GRXCR1: variants seen among roughly 807,000 people sequenced by gnomAD.
GRXCR1 encodes the protein glutaredoxin and cysteine rich domain containing 1, also known as glutaredoxin domain-containing cysteine-rich protein 1.
A neutral mutation model predicts 27.3 loss-of-function variants in GRXCR1; 27 were observed. The observed-to-expected ratio is 0.99, with a 90% CI of 0.73 to 1.37. The LOEUF is 1.37. Among genes scored for constraint, GRXCR1 ranks in the 40% most tolerant of loss-of-function variants. GRXCR1 has a pLI of 0.00. For missense variants in GRXCR1, 379 were observed against 354.4 expected (o/e 1.07, Z -0.56); for synonymous variants, 122 against 131.1 (o/e 0.93, Z 0.47).
Position 42,962,872 on chromosome 4 carries a change from A to T in GRXCR1, c.385-20A>T. The T allele has an allele frequency of 1.2e-6, 2 of 1,611,874 alleles. No individual in the cohort carries two copies. Among genetic ancestry groups the T allele is most frequent in the Admixed American group, 1.7e-5 (1 of 59,886 alleles). On this transcript the variant is annotated intron_variant, in intron 1 of 3. Coordinates refer to ENST00000399770, the MANE Select transcript of GRXCR1 (RefSeq NM_001080476.3). ...GAAAGTAAAAGCAAACATTCTTACAACTCAATGTTTTCCCTTCAGCAACCA... is the reference window on the plus strand; with the variant it reads ...GAAAGTAAAAGCAAACATTCTTACATCTCAATGTTTTCCCTTCAGCAACCA...
intron 2 of GRXCR1, among the ~76,000 whole-genome samples, chr4:42,998,105 A>G (rs1250911759): frequency 6.6e-6 from 1 of 152,198 alleles, no homozygotes; most frequent in Non-Finnish European, 1.5e-5. Flanking sequence ...TTCCAAATAA[A>G]GGGACTGAGG....
chr4:43,017,174 T>C (rs1478457723), intron 2 of GRXCR1, among the ~76,000 whole-genome samples: 1 of 152,244 alleles, frequency 6.6e-6, no homozygotes, highest in Non-Finnish European at 1.5e-5. Flanking sequence ...ATGTTCATTC[T>C]GGGCGTGGAG....
Position 42,893,165 on chromosome 4 carries a change from C to T in GRXCR1, c.-102C>T. The T allele has an allele frequency of 8.1e-7, 1 of 1,239,630 alleles. No homozygotes were observed. Among genetic ancestry groups the T allele is most frequent in the Non-Finnish European group, 1.2e-6 (1 of 841,592 alleles). The allele number at this position is 1,239,630 out of a possible 1,614,324, so 76.8% of individuals were successfully genotyped here. On this transcript the variant is annotated 5_prime_UTR_variant, in exon 1 of 4. Coordinates refer to ENST00000399770, the MANE Select transcript of GRXCR1 (RefSeq NM_001080476.3). ...TGATGTTAGTTTCACAGGAGTGCTGCCATCACTAGAATTGGCTCTGATATT... is the reference window on the plus strand; with the variant it reads ...TGATGTTAGTTTCACAGGAGTGCTGTCATCACTAGAATTGGCTCTGATATT...
intron 2 of GRXCR1, among the ~76,000 whole-genome samples, chr4:42,964,633 A>G (rs1748198225): frequency 6.6e-6 from 1 of 152,046 alleles, no homozygotes; most frequent in Non-Finnish European, 1.5e-5. Context: ...TGGCAAGGCC[A>G]GCAATCAAAG....
intron 2 of GRXCR1, among the ~76,000 whole-genome samples, chr4:43,006,702 G>A (rs902585897): frequency 7.9e-5 from 12 of 152,100 alleles, no homozygotes; most frequent in African/African-American, 2.2e-4. Context: ...CTGTGATCTC[G>A]CCCTGCCTCC....
intron 1 of GRXCR1, among the ~76,000 whole-genome samples, chr4:42,957,443 T>C (rs1481387549): frequency 1.3e-5 from 2 of 152,062 alleles, no homozygotes; most frequent in Non-Finnish European, 2.9e-5. Flanking sequence ...TGTTATTTTG[T>C]ACTCTAATAT....
intron 1 of GRXCR1, among the ~76,000 whole-genome samples, chr4:42,915,643 G>T (rs1044723665): frequency 6.6e-6 from 1 of 151,954 alleles, no homozygotes; most frequent in Admixed American, 6.6e-5. Flanking sequence ...ATCTTGACAC[G>T]TCTCATATAA....
chr4:42,904,927 T>C (rs1006985466), intron 1 of GRXCR1, among the ~76,000 whole-genome samples: 1 of 152,174 alleles, frequency 6.6e-6, no homozygotes, highest in East Asian at 1.9e-4. Flanking sequence ...ATAAATTTTA[T>C]AGAGATTCTG....
intron 1 of GRXCR1, among the ~76,000 whole-genome samples, chr4:42,914,618 G>A (rs1486329456): frequency 6.6e-6 from 1 of 152,108 alleles, no homozygotes; most frequent in African/African-American, 2.4e-5. Flanking sequence ...TAAGACTTTA[G>A]GGGACTGTTG....
At chr4:43,029,143 G>T (rs569066096) in intron 3 of GRXCR1, among the ~76,000 whole-genome samples, 2 of 152,090 alleles carry the variant, frequency 1.3e-5, no homozygotes, top group Non-Finnish European at 2.9e-5. Flanking sequence ...AATTATGAGA[G>T]AATTATATTA....
At chr4:42,998,582 T>C (rs1712251680) in intron 2 of GRXCR1, among the ~76,000 whole-genome samples, 1 of 152,234 alleles carries the variant, frequency 6.6e-6, no homozygotes, top group Non-Finnish European at 1.5e-5. Context: ...AAAATGTCTG[T>C]TTGTGGTTCT....
chr4:42,951,513 T>C (rs1747883067), intron 1 of GRXCR1, among the ~76,000 whole-genome samples: 1 of 152,200 alleles, frequency 6.6e-6, no homozygotes, highest in Admixed American at 6.5e-5. Context: ...TGAGTGAGTC[T>C]TAGTTTCCTC....
chr4:43,001,102 T>C (rs76086940), intron 2 of GRXCR1, among the ~76,000 whole-genome samples: 1 of 137,222 alleles, frequency 7.3e-6, no homozygotes, highest in Non-Finnish European at 1.6e-5. Flanking sequence ...AATTTTTGTA[T>C]TTTTTTTTTT....
At chr4:43,020,519 T>A (rs375734490) in intron 3 of GRXCR1, 100 bp downstream of exon 3, 1 of 791,238 alleles carries the variant, frequency 1.3e-6, no homozygotes, top group African/African-American at 1.7e-5. Flanking sequence ...CCCCATGTTC[T>A]TACAAATATG....
At chr4:42,953,954 C>G (rs1747941078) in intron 1 of GRXCR1, among the ~76,000 whole-genome samples, 1 of 151,992 alleles carries the variant, frequency 6.6e-6, no homozygotes, top group African/African-American at 2.4e-5. Flanking sequence ...AAAACTAAGA[C>G]TGGTCAGGAA....
chr4:42,893,142 A>G lies in GRXCR1; in HGVS notation c.-125A>G, dbSNP rs1035687945. On this transcript the variant is annotated 5_prime_UTR_variant, in exon 1 of 4. It removes an upstream start codon present in the reference 5' UTR. Transcript: ENST00000399770. ...TCCTTGGGAATCTTCTTTCCTTTTG[A>G]TGTTAGTTTCACAGGAGTGCTGCCA... 5 of 992,814 alleles carry G rather than the reference A, an allele frequency of 5.0e-6. No homozygotes were observed. In the African/African-American group the frequency reaches 8.0e-5, roughly 16 times the overall value. 61.5% of individuals were successfully genotyped at this position (992,814 alleles called of 1,614,324 possible). A position where few individuals can be genotyped will look rare whatever the true frequency, so the allele number is the denominator to read the frequency against.
intron 1 of GRXCR1, among the ~76,000 whole-genome samples, chr4:42,922,964 C>A (rs1444921001): frequency 6.6e-6 from 1 of 152,096 alleles, no homozygotes. Flanking sequence ...CCAGCTCTCT[C>A]CACTTCTGTT....
chr4:42,959,596 T>C (rs1387750853), intron 1 of GRXCR1, among the ~76,000 whole-genome samples: 1 of 151,984 alleles, frequency 6.6e-6, no homozygotes, highest in African/African-American at 2.4e-5. Context: ...ATTAATTTGC[T>C]TGACTGCAGT....
intron 2 of GRXCR1, among the ~76,000 whole-genome samples, chr4:42,974,400 G>A (rs1748459213): frequency 6.6e-6 from 1 of 152,074 alleles, no homozygotes; most frequent in Non-Finnish European, 1.5e-5. Flanking sequence ...ATTTTTAAGT[G>A]TTTATCTATA....
Sources: gnomAD v4.1 joint callset for allele counts (sites outside exome capture counted in the v4.1 genomes callset) on GRCh38, gnomAD v4.1.1 for gene constraint, MANE v1.5 for transcripts, NCBI Gene and HGNC (gene_info 2026-07-23, HGNC 2026-07-21) for gene names.